Variants in SAMD5 observed in about 807,000 individuals in gnomAD.
SAMD5 encodes sterile alpha motif domain-containing protein 5.
A neutral mutation model predicts 11.3 loss-of-function variants in SAMD5; 13 were observed. The ratio of observed to expected loss-of-function variants is 1.15; its 90% CI spans 0.75 to 1.83. The LOEUF (loss-of-function observed/expected upper bound fraction) is 1.83, where lower values mean the gene tolerates loss of function less well. Ranked by LOEUF, SAMD5 falls within the 40% of genes most tolerant of loss-of-function variation. The pLI is 0.00. For synonymous variants in SAMD5, 129 were observed against 111.3 expected (o/e 1.16, Z -1.00); for missense variants, 255 against 239.1 (o/e 1.07, Z -0.44).
At chr6:147,550,335 A>G (rs1788750579) in intron 1 of SAMD5, among the ~76,000 whole-genome samples, 1 of 152,200 alleles carries the variant, frequency 6.6e-6, no homozygotes, top group Non-Finnish European at 1.5e-5. Context: ...CTCTATGGAA[A>G]ACAGTACAGA....
the SAMD5 span, among the ~76,000 whole-genome samples, chr6:147,851,655 C>CTTGGT: frequency 2.0e-5 from 3 of 152,014 alleles, no homozygotes; most frequent in South Asian, 6.2e-4. Flanking sequence ...CCCATCTGTT[C>CTTGGT]TTGGTTTAAC....
the SAMD5 span, among the ~76,000 whole-genome samples, chr6:147,859,712 CTAATGA>C: frequency 3.2e-4 from 48 of 152,112 alleles, 2 homozygotes; most frequent in South Asian, 9.5e-3. Context: ...TGCATGTAAC[CTAATGA>C]AGCGTACAGT....
intron 1 of SAMD5, among the ~76,000 whole-genome samples, chr6:147,705,315 G>A (rs1013400593): frequency 1.3e-5 from 2 of 152,076 alleles, no homozygotes; most frequent in Admixed American, 6.5e-5. Flanking sequence ...ATACTTTATA[G>A]TGTCAGATTT....
intron 1 of SAMD5, among the ~76,000 whole-genome samples, chr6:147,704,023 G>A (rs1365467218): frequency 1.3e-5 from 2 of 152,084 alleles, no homozygotes; most frequent in Non-Finnish European, 2.9e-5. Flanking sequence ...AGCCTCCTGA[G>A]TAGCTGGGAC....
Position 147,657,717 on chromosome 6 carries a change from C to A in SAMD5, c.163-79600C>A, listed in dbSNP as rs189774429. Among the ~76,000 whole-genome samples the A allele has an allele frequency of 3.9e-5, 6 of 152,280 alleles. No individual in the cohort carries two copies. The South Asian group carries it at 8.3e-4, about 21-fold the overall frequency. On this transcript the variant is annotated intron_variant, in intron 1 of 1. Coordinates refer to the SAMD5 transcript ENST00000566741. ...CCTGCTTGCTGGTTCATAGACGGTG[C>A]CTTCTCGCTCCGCCCTCACATGGTA...
chr6:147,929,779 G>A, the SAMD5 span, among the ~76,000 whole-genome samples: 1 of 152,064 alleles, frequency 6.6e-6, no homozygotes, highest in Admixed American at 6.5e-5. Flanking sequence ...AACATTGGGG[G>A]GGAAAGTACA....
chr6:147,882,660 G>A, the SAMD5 span, among the ~76,000 whole-genome samples: 3 of 152,218 alleles, frequency 2.0e-5, no homozygotes, highest in Non-Finnish European at 2.9e-5. Context: ...CACTCATTGT[G>A]TTGATACGGC....
the SAMD5 span, among the ~76,000 whole-genome samples, chr6:147,790,781 TC>T: frequency 6.3e-5 from 5 of 78,972 alleles, no homozygotes; most frequent in African/African-American, 1.6e-4. Context: ...TCTCTCTCTC[TC>T]TCTCTCTCTC....
At chr6:147,869,858 C>G in the SAMD5 span, among the ~76,000 whole-genome samples, 1 of 151,880 alleles carries the variant, frequency 6.6e-6, no homozygotes, top group South Asian at 2.1e-4. Flanking sequence ...CCACTACAAC[C>G]AGCTAACTTT....
downstream of SAMD5, among the ~76,000 whole-genome samples, chr6:147,742,211 C>G (rs367715891): frequency 4.6e-5 from 7 of 152,028 alleles, no homozygotes; most frequent in African/African-American, 1.4e-4. Flanking sequence ...TGGCCTAAGT[C>G]GTCTTTTGCC....
intron 1 of SAMD5, among the ~76,000 whole-genome samples, chr6:147,710,220 A>T (rs909779116): frequency 2.0e-5 from 3 of 152,122 alleles, no homozygotes; most frequent in African/African-American, 7.2e-5. Flanking sequence ...CCCTGCTATG[A>T]GACTGGGTTG....
At chr6:147,852,526 G>GTT in the SAMD5 span, among the ~76,000 whole-genome samples, 1 of 152,194 alleles carries the variant, frequency 6.6e-6, no homozygotes, top group Admixed American at 6.5e-5. Flanking sequence ...CTAAAAAAAA[G>GTT]TTGATTAGCT....
chr6:147,747,613 C>G, the SAMD5 span, among the ~76,000 whole-genome samples: 1 of 152,172 alleles, frequency 6.6e-6, no homozygotes, highest in Non-Finnish European at 1.5e-5. Flanking sequence ...CTGGCTCAAG[C>G]AATCTTTCCA....
rs142584902 is a variant in SAMD5, at chr6:147,547,586, T to C, written c.460-16808T>C. Among the ~76,000 whole-genome samples, 603 of 152,346 alleles carry C rather than the reference T, an allele frequency of 4.0e-3. 3 individuals carry two copies. Among genetic ancestry groups the C allele is most frequent in the African/African-American group, 0.014 (574 of 41,576 alleles). ...GCAGACTTTTAATTTCTCTGACTTA[T>C]TATTTTCCAGCCAGAGAAACACTAT... On this transcript the variant is annotated intron_variant, in intron 1 of 1. Coordinates refer to ENST00000367474, the MANE Select transcript of SAMD5 (RefSeq NM_001030060.3).
chr6:147,753,200 A>C, the SAMD5 span, among the ~76,000 whole-genome samples: 18,429 of 152,192 alleles, frequency 0.12, 1,391 homozygotes, highest in Middle Eastern at 0.21. Flanking sequence ...TGATTTAAAC[A>C]TGCATTCACT....
chr6:147,693,247 A>G (rs1302609464), intron 1 of SAMD5, among the ~76,000 whole-genome samples: 1 of 152,162 alleles, frequency 6.6e-6, no homozygotes, highest in Non-Finnish European at 1.5e-5. Flanking sequence ...TCCCTAACGA[A>G]GTCCTTTCAG....
chr6:147,805,956 C>T, the SAMD5 span, among the ~76,000 whole-genome samples: 1 of 152,100 alleles, frequency 6.6e-6, no homozygotes, highest in Non-Finnish European at 1.5e-5. Context: ...GCATACCCCT[C>T]ACTCTAGGTT....
the SAMD5 span, among the ~76,000 whole-genome samples, chr6:147,757,605 G>A: frequency 6.6e-6 from 1 of 152,122 alleles, no homozygotes; most frequent in Non-Finnish European, 1.5e-5. Context: ...TTGTATCATA[G>A]CAATAGATTC....
At chr6:147,547,204 C>G (rs1427534569) in intron 1 of SAMD5, among the ~76,000 whole-genome samples, 1 of 152,208 alleles carries the variant, frequency 6.6e-6, no homozygotes, top group Non-Finnish European at 1.5e-5. Flanking sequence ...TCTATTGCTG[C>G]ATAATAAATA....
Sources: allele counts gnomAD v4.1 joint callset (sites outside exome capture counted in the v4.1 genomes callset), GRCh38; gene constraint gnomAD v4.1.1; transcripts MANE v1.5; gene names NCBI Gene and HGNC (gene_info 2026-07-23, HGNC 2026-07-21).